Variants in PVT1 observed in about 807,000 individuals in gnomAD.
The protein encoded by PVT1 is CXCR4/PVT1 fusion.
chr8:127,887,790 G>A (rs1472755395), intron 2 of PVT1, among the ~76,000 whole-genome samples: 1 of 152,006 alleles, frequency 6.6e-6, no homozygotes. Context: ...GCCTCCCAAA[G>A]TGCTGGGATT....
intron 3 of PVT1, among the ~76,000 whole-genome samples, chr8:127,892,679 T>C (rs553574892): frequency 6.6e-6 from 1 of 152,250 alleles, no homozygotes; most frequent in Admixed American, 6.5e-5. Flanking sequence ...TTCCTTGCGG[T>C]CTTGGGAAGG....
At chr8:128,071,818 A>G (rs1813999658) in intron 5 of PVT1, among the ~76,000 whole-genome samples, 1 of 152,170 alleles carries the variant, frequency 6.6e-6, no homozygotes. Context: ...TCTCATAGAT[A>G]TCTCTTGGCA....
intron 3 of PVT1, among the ~76,000 whole-genome samples, chr8:127,949,267 G>A (rs965327458): frequency 3.3e-5 from 5 of 152,136 alleles, no homozygotes; most frequent in African/African-American, 4.8e-5. Flanking sequence ...GACTATGTAG[G>A]TGAAGGGCCC....
chr8:127,814,233 C>T (rs1053998353), intron 2 of PVT1, among the ~76,000 whole-genome samples: 1 of 152,172 alleles, frequency 6.6e-6, no homozygotes, highest in Non-Finnish European at 1.5e-5. Flanking sequence ...CTCATTATTC[C>T]CAAGAAAAGA....
At chr8:127,908,619 C>T (rs145753422) in intron 3 of PVT1, among the ~76,000 whole-genome samples, 3 of 152,296 alleles carry the variant, frequency 2.0e-5, no homozygotes, top group East Asian at 1.9e-4. Context: ...GGATTACAGG[C>T]GTGAGCCACC....
At chr8:127,991,140 C>CTTTTTTTTTTTTTTTTTTTT (rs35494368) in intron 4 of PVT1, among the ~76,000 whole-genome samples, 2 of 73,098 alleles carry the variant, frequency 2.7e-5, no homozygotes, top group Non-Finnish European at 5.6e-5. Context: ...TCTTTTCTTT[C>CTTTTTTTTTTTTTTTTTTTT]TTTTTTTTTT....
chr8:127,911,984 G>A (rs1040175135), intron 3 of PVT1, among the ~76,000 whole-genome samples: 1 of 152,230 alleles, frequency 6.6e-6, no homozygotes, highest in Non-Finnish European at 1.5e-5. Flanking sequence ...GGGGAAGTTG[G>A]TGGATGGGGA....
At chr8:127,934,787 A>G (rs987835626) in intron 3 of PVT1, among the ~76,000 whole-genome samples, 1 of 152,120 alleles carries the variant, frequency 6.6e-6, no homozygotes, top group Non-Finnish European at 1.5e-5. Flanking sequence ...TTGACTTATC[A>G]ATGGTTTTTC....
intron 3 of PVT1, among the ~76,000 whole-genome samples, chr8:127,905,081 G>A (rs747652180): frequency 2.0e-5 from 3 of 152,222 alleles, no homozygotes; most frequent in Non-Finnish European, 2.9e-5. Context: ...AAGGTACCTG[G>A]CTTCCTTGGA....
intron 4 of PVT1, among the ~76,000 whole-genome samples, chr8:128,054,539 C>T (rs1421765750): frequency 6.6e-6 from 1 of 152,150 alleles, no homozygotes. Context: ...TCCTCAGTTC[C>T]TTGCACCTGT....
At chr8:128,007,462 G>A (rs1817260773) in intron 4 of PVT1, among the ~76,000 whole-genome samples, 1 of 151,742 alleles carries the variant, frequency 6.6e-6, no homozygotes, top group African/African-American at 2.4e-5. Flanking sequence ...CCATGAGATA[G>A]ATTTATATGT....
chr8:127,894,408 A>G (rs1815648251), intron 3 of PVT1, among the ~76,000 whole-genome samples: 1 of 152,172 alleles, frequency 6.6e-6, no homozygotes, highest in Non-Finnish European at 1.5e-5. Flanking sequence ...TCTCCTCCTT[A>G]TGCATATGAA....
intron 2 of PVT1, among the ~76,000 whole-genome samples, chr8:127,836,967 A>C (rs1480256777): frequency 6.6e-6 from 1 of 152,082 alleles, no homozygotes; most frequent in Middle Eastern, 3.2e-3. Context: ...GGCAGTGGAC[A>C]TGAGTGGTTC....
At chr8:127,839,052 G>A (rs1563618378) in intron 2 of PVT1, among the ~76,000 whole-genome samples, 1 of 152,036 alleles carries the variant, frequency 6.6e-6, no homozygotes, top group Non-Finnish European at 1.5e-5. Context: ...ATATAGTCCA[G>A]ATGTGTAGTG....
chr8:127,952,372 C>G (rs1181153593), intron 3 of PVT1, among the ~76,000 whole-genome samples: 1 of 152,178 alleles, frequency 6.6e-6, no homozygotes, highest in Non-Finnish European at 1.5e-5. Context: ...CCAGTGAGAT[C>G]ATGTCTGTTA....
At chr8:127,947,825 G>C (rs1265495164) in intron 3 of PVT1, 1 of 456,384 alleles carries the variant, frequency 2.2e-6, no homozygotes, top group Non-Finnish European at 4.4e-6. Flanking sequence ...ACAAAGAAAA[G>C]CTCACATTTA....
chr8:127,823,098 CTT>C (rs1417347798), intron 2 of PVT1, among the ~76,000 whole-genome samples: 1 of 152,190 alleles, frequency 6.6e-6, no homozygotes, highest in African/African-American at 2.4e-5. Context: ...GTTCAAAAGT[CTT>C]TATATTGAAA....
At position 127,936,140 on chromosome 8, in the gene PVT1, G is replaced by A. The variant is rs556004814; in HGVS notation, n.782+45142G>A. On this transcript the variant is annotated intron_variant and non_coding_transcript_variant, in intron 3 of 10. Coordinates refer to ENST00000651587, the Ensembl canonical transcript of PVT1. ...GATCTTGGCTCACCACAACCTCCGCGTCCCAGGTTCAAGTGATTCTCTTGC... is the reference window on the plus strand; with the variant it reads ...GATCTTGGCTCACCACAACCTCCGCATCCCAGGTTCAAGTGATTCTCTTGC... Among the ~76,000 whole-genome samples the A allele has an allele frequency of 3.4e-5, 5 of 148,414 alleles. No individual in the cohort carries two copies. In the South Asian group the frequency reaches 6.4e-4, roughly 19 times the overall value.
chr8:127,879,977 G>A (rs1486917852), intron 2 of PVT1, among the ~76,000 whole-genome samples: 4 of 152,204 alleles, frequency 2.6e-5, no homozygotes, highest in Non-Finnish European at 5.9e-5. Context: ...TCTTCAGTGA[G>A]GACATTGAAC....
Sources: allele counts gnomAD v4.1 joint callset (sites outside exome capture counted in the v4.1 genomes callset), GRCh38; gene constraint gnomAD v4.1.1; transcripts MANE v1.5; gene names NCBI Gene and HGNC (gene_info 2026-07-23, HGNC 2026-07-21).